Variants in MAST2 observed in about 807,000 individuals in gnomAD.
MAST2 encodes microtubule associated serine/threonine kinase 2.
MAST2 carries 70 observed loss-of-function variants against 147.4 expected under a neutral mutation model. The ratio of observed to expected loss-of-function variants is 0.47; its 90% confidence interval spans 0.39 to 0.58. The LOEUF (loss-of-function observed/expected upper bound fraction) is 0.58, where lower values mean the gene tolerates loss of function less well. Among genes scored for constraint, MAST2 ranks in the 20% least tolerant of loss-of-function variants. MAST2 has a pLI of 0.00. For missense variants in MAST2, 2,080 were observed against 2,302.3 expected, an observed-to-expected ratio of 0.90 and a Z score of 1.98; for synonymous variants, 869 against 896.8, an observed-to-expected ratio of 0.97 and a Z score of 0.55.
intron 1 of MAST2, among the ~76,000 whole-genome samples, chr1:45,822,915 T>C (rs1644680549): frequency 6.6e-6 from 1 of 152,224 alleles, no homozygotes; most frequent in Non-Finnish European, 1.5e-5. Flanking sequence ...AAGTTCTATT[T>C]CCTGTTCCCC....
intron 3 of MAST2, among the ~76,000 whole-genome samples, chr1:45,881,349 CATA>C (rs1405014574): frequency 6.6e-6 from 1 of 152,186 alleles, no homozygotes; most frequent in African/African-American, 2.4e-5. Context: ...TCCCAGTTTT[CATA>C]ATGTTGGCTG....
At chr1:45,928,932 G>GT in intron 4 of MAST2, among the ~76,000 whole-genome samples, 1 of 151,856 alleles carries the variant, frequency 6.6e-6, no homozygotes, top group South Asian at 2.1e-4. Context: ...TCCTTCAGAG[G>GT]TTTTTTTCTG....
At chr1:45,837,111 C>T (rs1019819974) in intron 3 of MAST2, among the ~76,000 whole-genome samples, 15 of 152,108 alleles carry the variant, frequency 9.9e-5, no homozygotes, top group African/African-American at 3.4e-4. Context: ...CATCTCCTGC[C>T]ATGTGGCCTG....
chr1:45,812,250 A>G (rs1414635129), intron 1 of MAST2, among the ~76,000 whole-genome samples: 2 of 152,022 alleles, frequency 1.3e-5, no homozygotes, highest in African/African-American at 4.8e-5. Context: ...GCTAGCTCCT[A>G]AAAAGGTGTT....
chr1:45,954,899 G>A (rs187315735), intron 4 of MAST2, among the ~76,000 whole-genome samples: 17 of 152,216 alleles, frequency 1.1e-4, no homozygotes, highest in East Asian at 3.9e-4. Context: ...TTAATTATCC[G>A]TCCCTGAAGT....
At chr1:45,980,448 C>T (rs148184501) in intron 5 of MAST2, among the ~76,000 whole-genome samples, 47 of 152,118 alleles carry the variant, frequency 3.1e-4, no homozygotes, top group Non-Finnish European at 5.1e-4. Context: ...AAAGTGTACC[C>T]GCTGAATCTA....
At chr1:45,911,375 T>A (rs1187325219) in intron 4 of MAST2, among the ~76,000 whole-genome samples, 1 of 152,230 alleles carries the variant, frequency 6.6e-6, no homozygotes, top group Non-Finnish European at 1.5e-5. Flanking sequence ...CACTTTGGCA[T>A]TATTTAAGGA....
intron 4 of MAST2, among the ~76,000 whole-genome samples, chr1:45,916,992 C>T (rs1010519421): frequency 3.9e-5 from 6 of 152,240 alleles, no homozygotes; most frequent in East Asian, 1.9e-4. Flanking sequence ...GCAGGAGAAT[C>T]GCTTGAACCC....
intron 5 of MAST2, among the ~76,000 whole-genome samples, chr1:45,971,182 C>G (rs116421975): frequency 2.0e-3 from 309 of 152,262 alleles, no homozygotes; most frequent in African/African-American, 7.3e-3. Context: ...TTGCAGCCCA[C>G]TGGATGTAGT....
At chr1:45,909,571 G>A (rs1651338684) in intron 4 of MAST2, among the ~76,000 whole-genome samples, 1 of 151,322 alleles carries the variant, frequency 6.6e-6, no homozygotes, top group African/African-American at 2.4e-5. Flanking sequence ...CCAGGCTGGA[G>A]TGCAGTGGTG....
intron 4 of MAST2, among the ~76,000 whole-genome samples, chr1:45,926,592 A>G (rs935461000): frequency 7.9e-5 from 12 of 152,222 alleles, no homozygotes; most frequent in Non-Finnish European, 1.6e-4. Flanking sequence ...ACTTTGAATT[A>G]CATTCTTTCT....
At chr1:46,006,450 A>G (rs1327991475) in intron 8 of MAST2, 55 bp downstream of exon 8, 6 of 1,572,774 alleles carry the variant, frequency 3.8e-6, no homozygotes, top group African/African-American at 1.3e-5. Context: ...GCTTGTTTGC[A>G]TAACACAGAG....
intron 21 of MAST2, 86 bp from the exon 22 acceptor site, chr1:46,030,521 T>C: frequency 6.8e-7 from 1 of 1,477,604 alleles, no homozygotes. Context: ...TTCAAATTCC[T>C]AGGTTTCCGA....
chr1:45,966,934 A>C (rs1661309710), intron 5 of MAST2, among the ~76,000 whole-genome samples: 1 of 145,042 alleles, frequency 6.9e-6, no homozygotes, highest in Non-Finnish European at 1.5e-5. Flanking sequence ...TGGCACAGTC[A>C]CAGCTCAATA....
At chr1:45,820,030 T>C (rs1644572952) in intron 1 of MAST2, among the ~76,000 whole-genome samples, 2 of 152,178 alleles carry the variant, frequency 1.3e-5, no homozygotes, top group African/African-American at 4.8e-5. Context: ...AACCCATTAA[T>C]AAATCCATAC....
intron 4 of MAST2, among the ~76,000 whole-genome samples, chr1:45,935,937 G>T (rs1043362313): frequency 2.0e-5 from 3 of 152,142 alleles, no homozygotes; most frequent in African/African-American, 7.2e-5. Context: ...GAAAAACGTC[G>T]TTGGTAGTTT....
chr1:45,912,859 T>C (rs962843367), intron 4 of MAST2, among the ~76,000 whole-genome samples: 1 of 152,254 alleles, frequency 6.6e-6, no homozygotes, highest in Non-Finnish European at 1.5e-5. Context: ...AACACTTTTA[T>C]AGTGCTTTCT....
chr1:45,964,864 A>G (rs1449422128), intron 5 of MAST2, among the ~76,000 whole-genome samples: 3 of 152,116 alleles, frequency 2.0e-5, no homozygotes, highest in African/African-American at 4.8e-5. Context: ...TTAGTGCTAT[A>G]AATTTCCCTC....
At chr1:45,899,105 C>A (rs1049466973) in intron 4 of MAST2, among the ~76,000 whole-genome samples, 1 of 152,106 alleles carries the variant, frequency 6.6e-6, no homozygotes, top group Non-Finnish European at 1.5e-5. Context: ...ATTCAGCCCA[C>A]CAAGCAGATC....
Sources: gnomAD v4.1 joint callset for allele counts (sites outside exome capture counted in the v4.1 genomes callset) on GRCh38, gnomAD v4.1.1 for gene constraint, MANE v1.5 for transcripts, NCBI Gene and HGNC (gene_info 2026-07-23, HGNC 2026-07-21) for gene names.